Variants in APP observed in about 807,000 individuals in gnomAD.
The protein encoded by APP is amyloid-beta precursor protein.
A neutral mutation model predicts 101.4 loss-of-function variants in APP; 31 were observed. The ratio of observed to expected loss-of-function variants is 0.31; its 90% CI spans 0.23 to 0.41. The LOEUF is 0.41. Among genes scored for constraint, APP ranks in the 10% least tolerant of loss-of-function variants. APP has a pLI of 1.00. For missense variants in APP, 839 were observed against 1,003.7 expected, an observed-to-expected ratio of 0.84 and a Z score of 2.22; for synonymous variants, 366 against 364.4, an observed-to-expected ratio of 1.00 and a Z score of -0.05.
chr21:25,896,996 A>C (rs2038094071), intron 16 of APP, among the ~76,000 whole-genome samples: 1 of 152,326 alleles, frequency 6.6e-6, no homozygotes, highest in East Asian at 1.9e-4. Context: ...CCTATTGTAA[A>C]CCTATTTTCC....
intron 1 of APP, among the ~76,000 whole-genome samples, chr21:26,139,169 A>G (rs935617570): frequency 1.3e-4 from 20 of 152,226 alleles, no homozygotes; most frequent in African/African-American, 4.8e-4. Flanking sequence ...GTAAAAAAAA[A>G]TAAGTAAATT....
chr21:25,950,419 C>T lies in APP; in HGVS notation c.1687+4171G>A, dbSNP rs549103299. 1.4e-4 allele frequency among the ~76,000 whole-genome samples: 20 copies of T among 142,566 alleles called. No homozygotes were observed. In the South Asian group the frequency reaches 2.7e-3, roughly 20 times the overall value. 93.5% of individuals were successfully genotyped at this position (142,566 alleles called of 152,430 possible). A position where few individuals can be genotyped will look rare whatever the true frequency, so the allele number is the denominator to read the frequency against. ...TTTGGAGACGGAGTTTTGCTCTTGA[C>T]GCCCAGGCTGGAGTGCAATAGTGCA... is the stretch of plus-strand genomic sequence containing the variant. On this transcript the variant is annotated intron_variant, in intron 13 of 17. Coordinates refer to ENST00000346798, the MANE Select transcript of APP (RefSeq NM_000484.4).
At chr21:26,106,850 C>T (rs919679481) in intron 2 of APP, among the ~76,000 whole-genome samples, 1 of 152,200 alleles carries the variant, frequency 6.6e-6, no homozygotes, top group Non-Finnish European at 1.5e-5. Context: ...CATTGACCCA[C>T]GTTGTTTTTC....
At chr21:25,957,674 T>C (rs2041382779) in intron 11 of APP, among the ~76,000 whole-genome samples, 1 of 151,908 alleles carries the variant, frequency 6.6e-6, no homozygotes, top group Admixed American at 6.6e-5. Context: ...GAAAATGGGA[T>C]GAATTTTTAA....
chr21:25,904,978 C>G, intron 15 of APP, 46 bp downstream of exon 15: 1 of 1,566,234 alleles, frequency 6.4e-7, no homozygotes, highest in South Asian at 1.1e-5. Flanking sequence ...TCTGCTCGAG[C>G]TTAGGCCCAA....
At chr21:26,127,630 G>C (rs2062711610) in intron 1 of APP, among the ~76,000 whole-genome samples, 1 of 152,148 alleles carries the variant, frequency 6.6e-6, no homozygotes, top group South Asian at 2.1e-4. Context: ...ACCCACACAT[G>C]AAAGTACCAA....
At position 26,170,449 on chromosome 21, in the gene APP, G is replaced by A. The variant is rs2063721924; in HGVS notation, c.57+115C>T. Reference sequence around the variant, plus strand: ...CCGCAAGCGGGGGCGGAGAGGAGAGGGGTCCCATTGACGGACCCCCGGCTT... The same window carrying A: ...CCGCAAGCGGGGGCGGAGAGGAGAGAGGTCCCATTGACGGACCCCCGGCTT... On this transcript the variant is annotated intron_variant, in intron 1 of 17. Transcript: ENST00000346798. 2.7e-6 allele frequency: 3 copies of A among 1,105,918 alleles called. No homozygotes were observed. The South Asian group carries it at 4.3e-5, about 16-fold the overall frequency. The allele number at this position is 1,105,918 out of a possible 1,614,324, so 68.5% of individuals were successfully genotyped here. A position where few individuals can be genotyped will look rare whatever the true frequency, so the allele number is the denominator to read the frequency against.
chr21:25,978,795 T>C (rs1487543218), intron 9 of APP, among the ~76,000 whole-genome samples: 1 of 151,998 alleles, frequency 6.6e-6, no homozygotes, highest in Non-Finnish European at 1.5e-5. Context: ...CTACTAAAAA[T>C]ACAAAAATTA....
intron 16 of APP, among the ~76,000 whole-genome samples, chr21:25,894,012 C>G (rs548622696): frequency 6.6e-6 from 1 of 152,264 alleles, no homozygotes. Context: ...AGTCCTAGGG[C>G]GCTTAAGAAT....
intron 8 of APP, among the ~76,000 whole-genome samples, chr21:25,989,061 T>C (rs2042755006): frequency 6.6e-6 from 1 of 152,142 alleles, no homozygotes; most frequent in Non-Finnish European, 1.5e-5. Context: ...CACCCAACGT[T>C]CCTATCACAA....
At chr21:25,994,674 A>G (rs1179431725) in intron 8 of APP, among the ~76,000 whole-genome samples, 2 of 152,204 alleles carry the variant, frequency 1.3e-5, no homozygotes, top group Non-Finnish European at 2.9e-5. Flanking sequence ...GTGCAGAAAT[A>G]TCATCCAACT....
intron 1 of APP, among the ~76,000 whole-genome samples, chr21:26,112,515 A>G (rs1039006649): frequency 6.6e-6 from 1 of 152,238 alleles, no homozygotes; most frequent in Non-Finnish European, 1.5e-5. Context: ...CCGCATTCTT[A>G]TAATAAACTC....
Position 25,900,434 on chromosome 21 carries a change from C to T in APP, c.1964-2761G>A, listed in dbSNP as rs189154353. Among the ~76,000 whole-genome samples, 740 of 147,762 alleles carry T rather than the reference C, an allele frequency of 5.0e-3. 8 individuals are homozygous for T. Among genetic ancestry groups the T allele is most frequent in the African/African-American group, 0.017 (693 of 39,978 alleles). ...ATTAGCCAGGTGTGGTGGCGGGTGC[C>T]TGTAATCCCAGCTACTCCAGAAGGC... is the stretch of plus-strand genomic sequence containing the variant. On this transcript the variant is annotated intron_variant, in intron 15 of 17. Transcript: ENST00000346798.
At chr21:26,059,390 G>A (rs947196906) in intron 3 of APP, among the ~76,000 whole-genome samples, 2 of 152,162 alleles carry the variant, frequency 1.3e-5, no homozygotes, top group African/African-American at 2.4e-5. Context: ...GAAAGTGGGG[G>A]AAATGTTCTG....
chr21:26,115,214 G>C (rs538188979), intron 1 of APP, among the ~76,000 whole-genome samples: 6 of 152,154 alleles, frequency 3.9e-5, no homozygotes, highest in Non-Finnish European at 7.4e-5. Context: ...TGTTGAATTA[G>C]AAATTGTAAA....
rs371515198 is a variant in APP at position 26,071,129 on chromosome 21, C to T, written c.356-17781G>A. Among the ~76,000 whole-genome samples the T allele has an allele frequency of 6.6e-5, 10 of 152,118 alleles. No homozygotes were observed. In the East Asian group the frequency reaches 1.3e-3, roughly 21 times the overall value. ...GGCTGCAGCACATTTGCGGATTCGGCAGTTTAAAATTCTCTTAAGCAATAA... is the reference window on the plus strand; with the variant it reads ...GGCTGCAGCACATTTGCGGATTCGGTAGTTTAAAATTCTCTTAAGCAATAA... On this transcript the variant is annotated intron_variant, in intron 3 of 17. Transcript: ENST00000346798.
intron 16 of APP, among the ~76,000 whole-genome samples, chr21:25,895,769 C>T (rs2038000661): frequency 6.6e-6 from 1 of 152,116 alleles, no homozygotes; most frequent in Non-Finnish European, 1.5e-5. Context: ...TATGCTAGCT[C>T]AACATTTTTA....
intron 13 of APP, among the ~76,000 whole-genome samples, chr21:25,949,800 A>G (rs2040985013): frequency 6.6e-6 from 1 of 152,206 alleles, no homozygotes; most frequent in Admixed American, 6.5e-5. Flanking sequence ...TAAGTAGGGG[A>G]AAATTCCACT....
chr21:25,918,950 A>G (rs1331712488), intron 13 of APP, among the ~76,000 whole-genome samples: 1 of 124,250 alleles, frequency 8.0e-6, no homozygotes, highest in Non-Finnish European at 1.7e-5. Flanking sequence ...ACAAAAAGAC[A>G]GCAGTAACCT....
Sources: allele counts gnomAD v4.1 joint callset (sites outside exome capture counted in the v4.1 genomes callset), GRCh38; gene constraint gnomAD v4.1.1; transcripts MANE v1.5; gene names NCBI Gene and HGNC (gene_info 2026-07-23, HGNC 2026-07-21).